The following NIPAL2 variants were observed in gnomAD, a reference collection of about 807,000 sequenced individuals.
NIPAL2 encodes NIPA-like protein 2.
NIPAL2 carries 43 observed loss-of-function variants against 48.9 expected under a neutral mutation model. The observed-to-expected ratio is 0.88, with a 90% CI of 0.69 to 1.13. The LOEUF is 1.13. Ranked by LOEUF, NIPAL2 falls within the 50% of genes most tolerant of loss-of-function variation. The pLI, the probability that NIPAL2 is intolerant of heterozygous loss-of-function variation, is 0.00. For missense variants in NIPAL2, 446 were observed against 461.4 expected (o/e 0.97, Z 0.31); for synonymous variants, 167 against 174.6 (o/e 0.96, Z 0.34).
intron 3 of NIPAL2, among the ~76,000 whole-genome samples, chr8:98,249,597 T>C (rs2130823364): frequency 6.8e-6 from 1 of 147,940 alleles, no homozygotes; most frequent in Non-Finnish European, 1.5e-5. Flanking sequence ...AATATGTAAC[T>C]ATATTTAATA....
intron 5 of NIPAL2, among the ~76,000 whole-genome samples, chr8:98,219,859 C>T (rs1390856498): frequency 1.3e-5 from 2 of 152,148 alleles, no homozygotes; most frequent in Non-Finnish European, 2.9e-5. Flanking sequence ...GTTCCCTCTG[C>T]TAGCAAAGTC....
intron 3 of NIPAL2, chr8:98,251,609 A>C (rs1813594829): frequency 6.6e-6 from 1 of 152,248 alleles, no homozygotes; most frequent in African/African-American, 2.4e-5. Context: ...ATGACTTACA[A>C]AATAAAATTC....
chr8:98,240,117 G>A (rs1049370162), intron 3 of NIPAL2, among the ~76,000 whole-genome samples: 6 of 152,164 alleles, frequency 3.9e-5, no homozygotes, highest in African/African-American at 1.4e-4. Context: ...GAACATAGCT[G>A]TAAATTAAAC....
intron 1 of NIPAL2, among the ~76,000 whole-genome samples, chr8:98,293,658 A>T (rs1291564047): frequency 6.6e-6 from 1 of 152,158 alleles, no homozygotes; most frequent in Non-Finnish European, 1.5e-5. Flanking sequence ...AATTGCCCCC[A>T]CACTCCTAGA....
rs150852913 is a variant in NIPAL2 at position 98,222,503 on chromosome 8, G to A, written c.534C>T (p.Val178=). ...ISARTVQYYL[V]GWQFLIYVIL... ...CCACATAGATCAGGAACTGCCATCCGACAAGGTAATACTGTACTGTTCTTG... is the reference window on the plus strand; with the variant it reads ...CCACATAGATCAGGAACTGCCATCCAACAAGGTAATACTGTACTGTTCTTG... The change falls in exon 5 of 11, where the codon GTC becomes GTT. Residue 178 remains valine (V), a synonymous_variant. Transcript: ENST00000430223. 7.4e-4 allele frequency: 1,191 copies of A among 1,613,540 alleles called. 1 individual carries two copies. Among genetic ancestry groups the A allele is most frequent in the Non-Finnish European group, 8.7e-4 (1,029 of 1,179,838 alleles).
intron 3 of NIPAL2, among the ~76,000 whole-genome samples, chr8:98,243,385 C>T (rs565384011): frequency 1.6e-4 from 25 of 152,212 alleles, no homozygotes; most frequent in Non-Finnish European, 2.6e-4. Flanking sequence ...AGCAAGTTTC[C>T]GGTGCCTTCC....
chr8:98,221,096 C>T (rs1286298674), intron 5 of NIPAL2, among the ~76,000 whole-genome samples: 1 of 151,194 alleles, frequency 6.6e-6, no homozygotes, highest in Non-Finnish European at 1.5e-5. Flanking sequence ...CTGCCTCAGC[C>T]TCCCGAGTAG....
At chr8:98,263,643 T>A (rs899691381) in intron 1 of NIPAL2, among the ~76,000 whole-genome samples, 5 of 146,062 alleles carry the variant, frequency 3.4e-5, no homozygotes, top group African/African-American at 1.3e-4. Context: ...ATCAATAGTT[T>A]ACCAACCAAA....
intron 4 of NIPAL2, among the ~76,000 whole-genome samples, chr8:98,225,223 T>G (rs1199631483): frequency 6.6e-6 from 1 of 152,270 alleles, no homozygotes; most frequent in Non-Finnish European, 1.5e-5. Flanking sequence ...TCTGGGTAGC[T>G]GCCACCAGTT....
At chr8:98,193,397 C>A in intron 10 of NIPAL2, 1 of 1,614,110 alleles carries the variant, frequency 6.2e-7, no homozygotes, top group Non-Finnish European at 8.5e-7. Context: ...CCAAGCCTTT[C>A]TCTCTGGGGT....
At chr8:98,212,603 G>A (rs1166722854) in intron 5 of NIPAL2, 102 bp from the exon 6 acceptor site, 1 of 620,976 alleles carries the variant, frequency 1.6e-6, no homozygotes, top group African/African-American at 1.8e-5. Flanking sequence ...TATGAGCGTT[G>A]AGGGTGACTG....
At chr8:98,197,553 G>A (rs1737451544) in intron 8 of NIPAL2, among the ~76,000 whole-genome samples, 2 of 152,334 alleles carry the variant, frequency 1.3e-5, no homozygotes, top group South Asian at 4.1e-4. Context: ...CTGTTTGACA[G>A]CATTTGACTT....
intron 4 of NIPAL2, among the ~76,000 whole-genome samples, chr8:98,227,085 G>A (rs1210946231): frequency 1.3e-5 from 2 of 151,952 alleles, no homozygotes; most frequent in Non-Finnish European, 1.5e-5. Flanking sequence ...GTGACATAAG[G>A]CCCAAAGGCT....
chr8:98,222,525 C>T lies in NIPAL2; in HGVS notation c.512G>A (p.Arg171Lys). Residue 171 changes from arginine (R) to lysine (K), a missense_variant, in exon 5 of 11, where the codon AGA (arginine) becomes AAA (lysine). By Grantham distance (26) the Arg-to-Lys change is conservative. Transcript: ENST00000430223. Reference protein sequence around the residue: ...APNITQAISARTVQYYLVGWQ... With the variant: ...APNITQAISAKTVQYYLVGWQ... ...TCCGACAAGGTAATACTGTACTGTT[C>T]TTGCTGAGATTGCCTGAGTTATATT... is the stretch of plus-strand genomic sequence containing the variant. The T allele has an allele frequency of 6.2e-7, 1 of 1,614,122 alleles. No individual in the cohort carries two copies. Among genetic ancestry groups the T allele is most frequent in the Non-Finnish European group, 8.5e-7 (1 of 1,179,966 alleles).
At chr8:98,256,144 C>T (rs904188221) in intron 1 of NIPAL2, among the ~76,000 whole-genome samples, 3 of 152,076 alleles carry the variant, frequency 2.0e-5, no homozygotes, top group African/African-American at 4.8e-5. Flanking sequence ...GTGCCTCAGC[C>T]TCCCCAGTAG....
At chr8:98,205,270 A>G (rs1261119693) in intron 6 of NIPAL2, 24 bp from the exon 7 acceptor site, 2 of 1,591,508 alleles carry the variant, frequency 1.3e-6, no homozygotes. Flanking sequence ...CAAAAAACAC[A>G]AATAAAGAAC....
At chr8:98,278,868 A>G (rs775227942) in intron 1 of NIPAL2, among the ~76,000 whole-genome samples, 1 of 152,216 alleles carries the variant, frequency 6.6e-6, no homozygotes, top group Non-Finnish European at 1.5e-5. Flanking sequence ...TGAATATACC[A>G]AACACACAGT....
intron 1 of NIPAL2, among the ~76,000 whole-genome samples, chr8:98,286,190 C>T (rs1342216504): frequency 6.6e-6 from 1 of 152,172 alleles, no homozygotes; most frequent in Non-Finnish European, 1.5e-5. Flanking sequence ...AGCCCCTGGA[C>T]CTTGGACTTC....
chr8:98,254,454 A>T (rs904690541), intron 1 of NIPAL2, among the ~76,000 whole-genome samples: 2 of 152,206 alleles, frequency 1.3e-5, no homozygotes, highest in African/African-American at 4.8e-5. Context: ...ATATGAAAGA[A>T]AGATCATCGG....
Sources: allele counts gnomAD v4.1 joint callset (sites outside exome capture counted in the v4.1 genomes callset), GRCh38; gene constraint gnomAD v4.1.1; transcripts MANE v1.5; gene names NCBI Gene and HGNC (gene_info 2026-07-23, HGNC 2026-07-21).